Variants in RGS7 observed in about 807,000 individuals in gnomAD.
RGS7 encodes regulator of G-protein signaling 7.
RGS7 carries 27 observed loss-of-function variants against 81.1 expected under a neutral mutation model. The ratio of observed to expected loss-of-function variants is 0.33; its 90% CI spans 0.25 to 0.46. The LOEUF (loss-of-function observed/expected upper bound fraction) is 0.46, where lower values mean the gene tolerates loss of function less well. Among genes scored for constraint, RGS7 ranks in the 20% least tolerant of loss-of-function variants. The pLI is 1.00. For synonymous variants in RGS7, 208 were observed against 207.7 expected (o/e 1.00, Z -0.01); for missense variants, 396 against 607.4 (o/e 0.65, Z 3.66).
intron 2 of RGS7, among the ~76,000 whole-genome samples, chr1:241,233,861 C>A (rs2075790173): frequency 6.7e-6 from 1 of 148,328 alleles, no homozygotes; most frequent in Non-Finnish European, 1.5e-5. Flanking sequence ...TACTAATTTA[C>A]ATTCCTACTA....
intron 2 of RGS7, among the ~76,000 whole-genome samples, chr1:241,187,931 G>A (rs2072270785): frequency 3.9e-5 from 6 of 152,066 alleles, no homozygotes; most frequent in Admixed American, 3.9e-4. Context: ...AAATAAAAGT[G>A]GGGTAGGAAG....
At chr1:240,903,810 A>G (rs1477066569) in intron 6 of RGS7, among the ~76,000 whole-genome samples, 1 of 152,146 alleles carries the variant, frequency 6.6e-6, no homozygotes, top group Non-Finnish European at 1.5e-5. Context: ...GGTTGTTAAA[A>G]AGAGCCTTGC....
At chr1:240,981,452 C>T (rs1261144879) in intron 4 of RGS7, among the ~76,000 whole-genome samples, 2 of 152,130 alleles carry the variant, frequency 1.3e-5, no homozygotes, top group African/African-American at 4.8e-5. Context: ...AAATCTACTT[C>T]ACCTCTGATC....
Position 240,855,308 on chromosome 1 carries a change from C to CAAAAAG in RGS7, c.609+13278_609+13279insCTTTTT, listed in dbSNP as rs1553325902. 9.8e-3 allele frequency among the ~76,000 whole-genome samples: 146 copies of CAAAAAG among 14,922 alleles called. 2 individuals are homozygous for CAAAAAG. Among genetic ancestry groups the CAAAAAG allele is most frequent in the African/African-American group, 0.026 (142 of 5,466 alleles). The allele number at this position is 14,922 out of a possible 152,430, so 9.8% of individuals were successfully genotyped here. On this transcript the variant is annotated intron_variant, in intron 9 of 18. Transcript: ENST00000440928. ...TGGGCGACAGAGTGAGACCATGTCT[C>CAAAAAG]AAAAAAAAAAAAAAAAAAAGGAGAA...
intron 2 of RGS7, among the ~76,000 whole-genome samples, chr1:241,223,668 C>A (rs1022786940): frequency 6.6e-5 from 10 of 151,466 alleles, no homozygotes; most frequent in African/African-American, 2.4e-4. Context: ...CCTGTTCTCC[C>A]TTTGTCCAGA....
chr1:241,079,083 G>A (rs1198421823), intron 3 of RGS7, among the ~76,000 whole-genome samples: 1 of 152,168 alleles, frequency 6.6e-6, no homozygotes, highest in Non-Finnish European at 1.5e-5. Flanking sequence ...TCTTCATCCT[G>A]AAATGCGTCT....
intron 10 of RGS7, among the ~76,000 whole-genome samples, chr1:240,819,240 C>T (rs1691348714): frequency 6.6e-6 from 1 of 151,848 alleles, no homozygotes; most frequent in Admixed American, 6.6e-5. Flanking sequence ...TAATAATCTA[C>T]AGGTCATATA....
chr1:240,804,610 A>T (rs1021653054), intron 15 of RGS7, among the ~76,000 whole-genome samples: 2 of 152,222 alleles, frequency 1.3e-5, no homozygotes, highest in Non-Finnish European at 2.9e-5. Context: ...ACTAAAAAAA[A>T]TTCTATTTTA....
At chr1:240,958,239 C>G (rs181739007) in intron 4 of RGS7, among the ~76,000 whole-genome samples, 1 of 152,184 alleles carries the variant, frequency 6.6e-6, no homozygotes, top group African/African-American at 2.4e-5. Context: ...ACAATAAGAG[C>G]CTCATTCATT....
At chr1:241,212,392 T>C (rs1289307791) in intron 2 of RGS7, among the ~76,000 whole-genome samples, 2 of 152,144 alleles carry the variant, frequency 1.3e-5, no homozygotes, top group Non-Finnish European at 2.9e-5. Context: ...TAAAGGGCCT[T>C]GTGCTTGGTT....
intron 2 of RGS7, among the ~76,000 whole-genome samples, chr1:241,321,846 T>C (rs1242324288): frequency 1.3e-5 from 2 of 152,166 alleles, no homozygotes; most frequent in Admixed American, 1.3e-4. Context: ...CACTCATTAG[T>C]TGTGGAATAA....
intron 9 of RGS7, among the ~76,000 whole-genome samples, chr1:240,859,111 G>C (rs1661678248): frequency 6.6e-6 from 1 of 152,108 alleles, no homozygotes; most frequent in African/African-American, 2.4e-5. Flanking sequence ...ATCTGGGCTG[G>C]TGCTTCCTGT....
At chr1:241,305,033 G>A (rs1366840433) in intron 2 of RGS7, among the ~76,000 whole-genome samples, 1 of 152,104 alleles carries the variant, frequency 6.6e-6, no homozygotes, top group Non-Finnish European at 1.5e-5. Context: ...TTATTTCAAG[G>A]TTTTAAAATT....
intron 4 of RGS7, among the ~76,000 whole-genome samples, chr1:240,959,831 T>C (rs1293771032): frequency 6.6e-6 from 1 of 152,138 alleles, no homozygotes; most frequent in African/African-American, 2.4e-5. Flanking sequence ...TATTTTAAAA[T>C]ACAAGTTCAC....
At chr1:240,842,708 A>C (rs1471213550) in intron 9 of RGS7, among the ~76,000 whole-genome samples, 1 of 152,128 alleles carries the variant, frequency 6.6e-6, no homozygotes, top group Non-Finnish European at 1.5e-5. Context: ...CTGATATATC[A>C]AGCCAGACCA....
chr1:240,981,145 T>C lies in RGS7; in HGVS notation c.226+1934A>G, dbSNP rs149063278. Among the ~76,000 whole-genome samples the C allele has an allele frequency of 6.6e-3, 1,004 of 152,280 alleles. 17 individuals are homozygous for C. The highest frequency in any genetic ancestry group is 0.023 in the African/African-American group (955 of 41,536). On this transcript the variant is annotated intron_variant, in intron 4 of 18. Coordinates refer to ENST00000440928, the MANE Select transcript of RGS7 (RefSeq NM_001364886.1). ...TTTGTTTCGAGACAGAGTCACGCTC[T>C]GTCACCCAGGCTGGAGTGCAGTGGT... is the stretch of plus-strand genomic sequence containing the variant.
intron 2 of RGS7, among the ~76,000 whole-genome samples, chr1:241,187,130 CTG>C (rs2072193342): frequency 6.6e-6 from 1 of 151,836 alleles, no homozygotes; most frequent in Non-Finnish European, 1.5e-5. Flanking sequence ...GTATAAACCT[CTG>C]TGATTTTTTT....
chr1:240,904,191 G>A (rs1363825158), intron 6 of RGS7, among the ~76,000 whole-genome samples: 2 of 151,998 alleles, frequency 1.3e-5, no homozygotes, highest in Admixed American at 1.3e-4. Context: ...GAGTCAGGAT[G>A]GAGAAAAGAA....
chr1:241,297,489 A>G (rs1573556441), intron 2 of RGS7, among the ~76,000 whole-genome samples: 1 of 152,174 alleles, frequency 6.6e-6, no homozygotes, highest in African/African-American at 2.4e-5. Flanking sequence ...TGGGGCGGGG[A>G]AAATCCATAA....
Sources: gnomAD v4.1 joint callset for allele counts (sites outside exome capture counted in the v4.1 genomes callset) on GRCh38, gnomAD v4.1.1 for gene constraint, MANE v1.5 for transcripts, NCBI Gene and HGNC (gene_info 2026-07-23, HGNC 2026-07-21) for gene names.